The following STPG2 variants were observed in gnomAD, a reference collection of about 807,000 sequenced individuals.
STPG2 encodes the protein sperm tail PG-rich repeat containing 2.
A neutral mutation model predicts 54.2 loss-of-function variants in STPG2; 56 were observed. The observed-to-expected ratio is 1.03, with a 90% confidence interval of 0.83 to 1.29. STPG2 has a LOEUF of 1.29. Ranked by LOEUF, STPG2 falls within the 50% of genes most tolerant of loss-of-function variation. The pLI, the probability that STPG2 is intolerant of heterozygous loss-of-function variation, is 0.00. For missense variants in STPG2, 596 were observed against 544.9 expected, an observed-to-expected ratio of 1.09 and a Z score of -0.93; for synonymous variants, 200 against 181.8, an observed-to-expected ratio of 1.10 and a Z score of -0.81.
chr4:97,814,030 C>T (rs1727832431), intron 9 of STPG2, among the ~76,000 whole-genome samples: 1 of 151,936 alleles, frequency 6.6e-6, no homozygotes. Context: ...ATACTCACAC[C>T]ATTAAATTAT....
chr4:98,124,234 C>T (rs1352915062), intron 3 of STPG2, among the ~76,000 whole-genome samples: 1 of 152,090 alleles, frequency 6.6e-6, no homozygotes. Context: ...GCTAGCCAGT[C>T]ATTTTGCAGA....
chr4:97,771,939 G>A (rs1435119208), intron 9 of STPG2, among the ~76,000 whole-genome samples: 1 of 152,156 alleles, frequency 6.6e-6, no homozygotes, highest in Non-Finnish European at 1.5e-5. Flanking sequence ...ACCATAAAGG[G>A]CTGTGAGATT....
chr4:97,692,002 AC>A lies in STPG2; in HGVS notation c.1320+20696del, dbSNP rs1723381084. Among the ~76,000 whole-genome samples, 3 of 152,250 alleles carry A rather than the reference AC, an allele frequency of 2.0e-5. No individual in the cohort carries two copies. In the South Asian group the frequency reaches 6.2e-4, roughly 32 times the overall value. On this transcript the variant is annotated intron_variant, in intron 10 of 10. Coordinates refer to ENST00000295268, the MANE Select transcript of STPG2 (RefSeq NM_174952.3). ...GGAAAGAGCACTGCATGAAAGGAGCACCCTATGGGACAAAAAGACAATCTGA... is the reference window on the plus strand; with the variant it reads ...GGAAAGAGCACTGCATGAAAGGAGCACCTATGGGACAAAAAGACAATCTGA...
intron 4 of STPG2, among the ~76,000 whole-genome samples, chr4:97,539,724 C>T (rs1279362608): frequency 1.3e-5 from 2 of 152,152 alleles, no homozygotes; most frequent in African/African-American, 4.8e-5. Flanking sequence ...CTACAGAACT[C>T]TCCACCACAA....
chr4:97,796,007 A>T (rs1727162500), intron 9 of STPG2, among the ~76,000 whole-genome samples: 1 of 152,138 alleles, frequency 6.6e-6, no homozygotes, highest in Admixed American at 6.5e-5. Context: ...TCCTTTGAGT[A>T]GTGTCTGCTC....
chr4:98,030,325 C>T (rs898176567), intron 5 of STPG2, among the ~76,000 whole-genome samples: 2 of 152,278 alleles, frequency 1.3e-5, no homozygotes, highest in South Asian at 4.1e-4. Context: ...GATGTGATAA[C>T]TATCTCTACT....
At chr4:98,076,668 T>A (rs544815636) in intron 5 of STPG2, among the ~76,000 whole-genome samples, 2 of 152,282 alleles carry the variant, frequency 1.3e-5, no homozygotes, top group African/African-American at 4.8e-5. Context: ...CAGTATATAA[T>A]GTTGGAAGAC....
At chr4:97,717,755 CA>C (rs1724336193) in intron 9 of STPG2, among the ~76,000 whole-genome samples, 1 of 152,108 alleles carries the variant, frequency 6.6e-6, no homozygotes, top group African/African-American at 2.4e-5. Flanking sequence ...GTGTGAATTA[CA>C]GGAACCAACT....
At position 97,783,803 on chromosome 4, in the gene STPG2, C is replaced by G. The variant is rs183585421; in HGVS notation, c.1204+56970G>C. ...GTGGATGAAGCTGGAAACCATCATT[C>G]TCAGTAAACTATCACAAGGACAAAA... On this transcript the variant is annotated intron_variant, in intron 9 of 10. Coordinates refer to ENST00000295268, the MANE Select transcript of STPG2 (RefSeq NM_174952.3). 2.6e-3 allele frequency among the ~76,000 whole-genome samples: 397 copies of G among 152,220 alleles called. 2 individuals are homozygous for G. Among genetic ancestry groups the G allele is most frequent in the African/African-American group, 9.0e-3 (373 of 41,542 alleles).
At chr4:97,946,526 A>G (rs1332009541) in intron 7 of STPG2, among the ~76,000 whole-genome samples, 1 of 152,116 alleles carries the variant, frequency 6.6e-6, no homozygotes, top group African/African-American at 2.4e-5. Context: ...TTATGGTTTC[A>G]GGTATTAGAT....
At chr4:97,612,888 A>G (rs962749331) in intron 10 of STPG2, among the ~76,000 whole-genome samples, 1 of 152,070 alleles carries the variant, frequency 6.6e-6, no homozygotes, top group Non-Finnish European at 1.5e-5. Context: ...TATTTCAACT[A>G]TTTATATAAT....
intron 7 of STPG2, among the ~76,000 whole-genome samples, chr4:97,957,296 T>C (rs990511300): frequency 6.6e-6 from 1 of 151,130 alleles, no homozygotes; most frequent in Non-Finnish European, 1.5e-5. Context: ...CTGGAAAGTC[T>C]CAGCAATAGA....
chr4:97,850,772 C>T (rs1357619676), intron 8 of STPG2, among the ~76,000 whole-genome samples: 1 of 152,080 alleles, frequency 6.6e-6, no homozygotes, highest in Non-Finnish European at 1.5e-5. Flanking sequence ...TAACTACCCT[C>T]AAGCTGCAAG....
At chr4:97,906,970 C>A (rs1485855154) in intron 8 of STPG2, among the ~76,000 whole-genome samples, 4 of 149,718 alleles carry the variant, frequency 2.7e-5, no homozygotes, top group Admixed American at 2.7e-4. Flanking sequence ...ACAGGGATGC[C>A]CTCTCTCACC....
intron 10 of STPG2, among the ~76,000 whole-genome samples, chr4:97,613,021 A>G (rs1196510739): frequency 2.0e-5 from 3 of 152,128 alleles, no homozygotes; most frequent in Non-Finnish European, 4.4e-5. Context: ...AATAGTACAC[A>G]GTTCCTGTGT....
At chr4:97,807,458 T>G (rs920324763) in intron 9 of STPG2, among the ~76,000 whole-genome samples, 1 of 151,942 alleles carries the variant, frequency 6.6e-6, no homozygotes, top group Non-Finnish European at 1.5e-5. Context: ...TTGAACAGAC[T>G]GCCCCAAAAT....
intron 8 of STPG2, among the ~76,000 whole-genome samples, chr4:97,891,504 T>C: frequency 6.6e-6 from 1 of 152,174 alleles, no homozygotes; most frequent in East Asian, 1.9e-4. Flanking sequence ...AAAAATGATA[T>C]ATCTAAATAG....
At chr4:97,999,969 CTAA>C (rs1203216999) in intron 5 of STPG2, among the ~76,000 whole-genome samples, 1 of 152,074 alleles carries the variant, frequency 6.6e-6, no homozygotes, top group Non-Finnish European at 1.5e-5. Flanking sequence ...GTGAAAACGG[CTAA>C]TAATATTATG....
At chr4:98,087,560 C>CTTTTTTT (rs70955916) in intron 5 of STPG2, among the ~76,000 whole-genome samples, 2 of 132,284 alleles carry the variant, frequency 1.5e-5, no homozygotes, top group Non-Finnish European at 3.2e-5. Flanking sequence ...CTCTTTTTTT[C>CTTTTTTT]TTTTTTTTTT....
Sources: allele counts gnomAD v4.1 joint callset (sites outside exome capture counted in the v4.1 genomes callset), GRCh38; gene constraint gnomAD v4.1.1; transcripts MANE v1.5; gene names NCBI Gene and HGNC (gene_info 2026-07-23, HGNC 2026-07-21).